Variants in RNF8 observed in about 807,000 individuals in gnomAD.
RNF8 encodes E3 ubiquitin-protein ligase RNF8.
RNF8 carries 8 observed loss-of-function variants against 59.3 expected under a neutral mutation model. The ratio of observed to expected loss-of-function variants is 0.13; its 90% CI spans 0.08 to 0.24. The LOEUF (loss-of-function observed/expected upper bound fraction) is 0.24. Among genes scored for constraint, RNF8 ranks in the 10% least tolerant of loss-of-function variants. RNF8 has a pLI of 1.00. For missense variants in RNF8, 406 were observed against 572.6 expected (o/e 0.71, Z 2.97); for synonymous variants, 162 against 200.0 (o/e 0.81, Z 1.60).
chr6:37,381,002 G>C (rs1438811606), intron 6 of RNF8, 148 bp from the exon 7 acceptor site: 1 of 729,384 alleles, frequency 1.4e-6, no homozygotes, highest in African/African-American at 1.8e-5. Flanking sequence ...GAATGATTCT[G>C]ATACTCTTTA....
chr6:37,375,753 A>G (rs1312026816), intron 5 of RNF8, among the ~76,000 whole-genome samples: 1 of 152,220 alleles, frequency 6.6e-6, no homozygotes, highest in Non-Finnish European at 1.5e-5. Context: ...CTTTGAGTGG[A>G]AAAGAAAATA....
chr6:37,362,018 T>C (rs1769343407), intron 2 of RNF8, among the ~76,000 whole-genome samples: 1 of 152,222 alleles, frequency 6.6e-6, no homozygotes, highest in South Asian at 2.1e-4. Flanking sequence ...ATGTAAGCAA[T>C]TTGCTATACT....
rs774671817 is a variant in RNF8, at chr6:37,376,964, T to A, written c.1167T>A (p.Val389=). Residue 389 remains valine, a synonymous_variant, in exon 6 of 8, where the codon GTT becomes GTA. Transcript: ENST00000373479. ...AGATGCAAGCACAGAAGGAAGAAGTTCTTAGCCACATGAATGATGTGCTAG... is the reference window on the plus strand; with the variant it reads ...AGATGCAAGCACAGAAGGAAGAAGTACTTAGCCACATGAATGATGTGCTAG... ...KEKMQAQKEE[V]LSHMNDVLEN... The A allele has an allele frequency of 6.2e-7, 1 of 1,613,484 alleles. No homozygotes were observed. Among genetic ancestry groups the A allele is most frequent in the Admixed American group, 1.7e-5 (1 of 60,004 alleles).
chr6:37,390,086 C>T (rs1465821487), intron 7 of RNF8, among the ~76,000 whole-genome samples: 1 of 152,208 alleles, frequency 6.6e-6, no homozygotes, highest in Non-Finnish European at 1.5e-5. Context: ...CCCTCCCTCT[C>T]TGAACACAGG....
chr6:37,392,468 G>T lies in RNF8; in HGVS notation c.*1710G>T, dbSNP rs893279034. ...CCACAGCGACTACTTCCCACTCAGA[G>T]GCAACAAGTATTACAGTTGCTTGTA... On this transcript the variant is annotated 3_prime_UTR_variant, in exon 8 of 8. Coordinates refer to ENST00000373479, the MANE Select transcript of RNF8 (RefSeq NM_003958.4). The T allele has an allele frequency of 2.5e-6, 1 of 398,592 alleles. No individual in the cohort carries two copies. Among genetic ancestry groups the T allele is most frequent in the Non-Finnish European group, 4.4e-6 (1 of 226,062 alleles). 24.7% of individuals were successfully genotyped at this position (398,592 alleles called of 1,614,324 possible). A position where few individuals can be genotyped will look rare whatever the true frequency, so the allele number is the denominator to read the frequency against.
intron 3 of RNF8, chr6:37,369,661 A>G (rs1288308959): frequency 6.3e-6 from 1 of 159,364 alleles, no homozygotes; most frequent in African/African-American, 2.4e-5. Flanking sequence ...CAGGGCAGGT[A>G]CAGGTCAGCT....
At chr6:37,370,201 A>G (rs552121333) in intron 3 of RNF8, 1 of 152,326 alleles carries the variant, frequency 6.6e-6, no homozygotes, top group East Asian at 1.9e-4. Flanking sequence ...AGCAATTTAT[A>G]AATTTCATTC....
At chr6:37,366,174 C>T (rs1381316721) in intron 2 of RNF8, among the ~76,000 whole-genome samples, 2 of 152,210 alleles carry the variant, frequency 1.3e-5, no homozygotes, top group African/African-American at 4.8e-5. Context: ...TGAGGGCAAA[C>T]TTCCTACTCT....
intron 7 of RNF8, among the ~76,000 whole-genome samples, chr6:37,389,744 ATTTC>A (rs1206630687): frequency 6.6e-6 from 1 of 152,008 alleles, no homozygotes; most frequent in Non-Finnish European, 1.5e-5. Context: ...TGTCCAGAGA[ATTTC>A]TTTCTTGTGG....
intron 6 of RNF8, 93 bp downstream of exon 6, chr6:37,377,126 G>A (rs1770055500): frequency 4.5e-6 from 3 of 664,262 alleles, no homozygotes; most frequent in East Asian, 5.8e-5. Flanking sequence ...AGGCTAGAGT[G>A]CAGTGCCACA....
chr6:37,377,849 T>G (rs1330978340), intron 6 of RNF8, among the ~76,000 whole-genome samples: 1 of 152,248 alleles, frequency 6.6e-6, no homozygotes, highest in Non-Finnish European at 1.5e-5. Flanking sequence ...CTGAGGCTCC[T>G]TATGGAAATG....
At position 37,371,629 on chromosome 6, in the gene RNF8, G is replaced by A; in HGVS notation, c.1038+55G>A. ...TGGGCTGTGGAGTGGGGAGCAAACA[G>A]GCATCACATGACCACTGGCTGCCTC... On this transcript the variant is annotated intron_variant, in intron 4 of 7. Coordinates refer to ENST00000373479, the MANE Select transcript of RNF8 (RefSeq NM_003958.4). The A allele has an allele frequency of 2.1e-6, 3 of 1,434,340 alleles. No homozygotes were observed. In the South Asian group the frequency reaches 3.5e-5, roughly 17 times the overall value. 88.9% of individuals were successfully genotyped at this position (1,434,340 alleles called of 1,614,324 possible). A position where few individuals can be genotyped will look rare whatever the true frequency, so the allele number is the denominator to read the frequency against.
intron 2 of RNF8, among the ~76,000 whole-genome samples, chr6:37,362,560 A>C (rs1205314861): frequency 6.6e-6 from 1 of 152,180 alleles, no homozygotes. Flanking sequence ...TGATGGAACA[A>C]TTCTTACAAG....
chr6:37,355,200 T>G (rs1365030089), intron 1 of RNF8, among the ~76,000 whole-genome samples: 50 of 151,972 alleles, frequency 3.3e-4, no homozygotes, highest in Admixed American at 3.3e-3. Context: ...TGCAATCAGG[T>G]TGAGAAGGAG....
chr6:37,381,609 A>C (rs1770266021), intron 7 of RNF8, among the ~76,000 whole-genome samples: 1 of 152,162 alleles, frequency 6.6e-6, no homozygotes, highest in Admixed American at 6.5e-5. Flanking sequence ...TGGGGGGATA[A>C]AATGAAGATG....
intron 4 of RNF8, among the ~76,000 whole-genome samples, chr6:37,373,982 A>C (rs779532227): frequency 5.8e-4 from 89 of 152,260 alleles, no homozygotes; most frequent in Non-Finnish European, 7.6e-4. Flanking sequence ...ACCTCTTGAC[A>C]TTCAGCATAG....
chr6:37,378,225 C>T (rs195380), intron 6 of RNF8, among the ~76,000 whole-genome samples: 13,547 of 151,846 alleles, frequency 0.089, 1,940 homozygotes, highest in African/African-American at 0.3. Context: ...ATTTGGGAGG[C>T]GGAGGCTACA....
intron 5 of RNF8, 104 bp downstream of exon 5, chr6:37,374,813 T>C (rs1769942005): frequency 1.3e-6 from 1 of 774,464 alleles, no homozygotes; most frequent in Admixed American, 2.3e-5. Flanking sequence ...AAATTATGGC[T>C]GCTCCTTGCC....
intron 5 of RNF8, 97 bp downstream of exon 5, chr6:37,374,806 T>A (rs148233309): frequency 3.7e-6 from 3 of 817,616 alleles, no homozygotes; most frequent in Non-Finnish European, 6.0e-6. Flanking sequence ...AAGAGAGAAA[T>A]TATGGCTGCT....
Sources: allele counts gnomAD v4.1 joint callset (sites outside exome capture counted in the v4.1 genomes callset), GRCh38; gene constraint gnomAD v4.1.1; transcripts MANE v1.5; gene names NCBI Gene and HGNC (gene_info 2026-07-23, HGNC 2026-07-21).